DIP2B: variants seen among roughly 807,000 people sequenced by gnomAD.
DIP2B encodes the protein DIP2 acetate--CoA ligase B (putative), also known as disco-interacting protein 2 homolog B.
DIP2B carries 76 observed loss-of-function variants against 198.0 expected under a neutral mutation model. That is an observed-to-expected ratio of 0.38 (90% CI 0.32 to 0.46). The LOEUF is 0.46. Ranked by LOEUF, DIP2B falls within the 20% of genes least tolerant of loss-of-function variation. The pLI, the probability that DIP2B is intolerant of heterozygous loss-of-function variation, is 0.99. For synonymous variants in DIP2B, 701 were observed against 739.1 expected (o/e 0.95, Z 0.84); for missense variants, 1,559 against 1,978.4 (o/e 0.79, Z 4.02).
chr12:50,708,358 G>T, intron 21 of DIP2B, 90 bp from the exon 22 acceptor site: 1 of 1,127,318 alleles, frequency 8.9e-7, no homozygotes, highest in Admixed American at 2.1e-5. Context: ...TAGCATGGTG[G>T]GGTTGTCTCC....
intron 1 of DIP2B, among the ~76,000 whole-genome samples, chr12:50,598,494 C>T (rs146274376): frequency 6.6e-6 from 1 of 151,874 alleles, no homozygotes; most frequent in African/African-American, 2.4e-5. Flanking sequence ...GGCTTTTCCA[C>T]TACTTCTCAC....
rs564654813 is a variant in DIP2B at position 50,573,758 on chromosome 12, C to G, written c.101-52218C>G. ...CTTCCCTTTGCAGAATGTGTATTTT[C>G]CCTTCTTCAGACTAAAAATGTCACA... On this transcript the variant is annotated intron_variant, in intron 1 of 37. Transcript: ENST00000301180. Among the ~76,000 whole-genome samples the G allele has an allele frequency of 2.9e-4, 44 of 152,252 alleles. 1 individual carries two copies. Among genetic ancestry groups the G allele is most frequent in the Middle Eastern group, 6.8e-3 (2 of 294 alleles).
At chr12:50,720,372 C>T (rs1939812792) in intron 25 of DIP2B, among the ~76,000 whole-genome samples, 2 of 151,806 alleles carry the variant, frequency 1.3e-5, no homozygotes, top group African/African-American at 4.8e-5. Flanking sequence ...CCTATTGGAT[C>T]TCTTAGGGGA....
intron 1 of DIP2B, among the ~76,000 whole-genome samples, chr12:50,508,496 A>G (rs556880561): frequency 3.9e-5 from 6 of 152,258 alleles, no homozygotes; most frequent in Admixed American, 2.0e-4. Context: ...ACTTCACTAG[A>G]TAGAATAGGT....
At chr12:50,524,804 C>T (rs1958148750) in intron 1 of DIP2B, among the ~76,000 whole-genome samples, 1 of 152,182 alleles carries the variant, frequency 6.6e-6, no homozygotes, top group African/African-American at 2.4e-5. Context: ...CATGGCTCAA[C>T]TGCAGCTTCC....
At chr12:50,712,641 GCT>G (rs764064440) in intron 22 of DIP2B, among the ~76,000 whole-genome samples, 5 of 151,680 alleles carry the variant, frequency 3.3e-5, no homozygotes, top group Non-Finnish European at 5.9e-5. Context: ...GGGCACGGTG[GCT>G]CACACCTGTA....
At position 50,660,082 on chromosome 12, in the gene DIP2B, C is replaced by T; in HGVS notation, c.302-112C>T. ...TATAAATAAAAATCATCTGAACGTC[C>T]CCTTTACCTTTTTTTTTTTTTTTAA... is the stretch of plus-strand genomic sequence containing the variant. On this transcript the variant is annotated intron_variant, in intron 3 of 37. Coordinates refer to ENST00000301180, the MANE Select transcript of DIP2B (RefSeq NM_173602.3). 8.6e-6 allele frequency: 9 copies of T among 1,043,698 alleles called. No homozygotes were observed. The South Asian group carries it at 1.1e-4, about 13-fold the overall frequency. The allele number at this position is 1,043,698 out of a possible 1,614,324, so 64.7% of individuals were successfully genotyped here. A position where few individuals can be genotyped will look rare whatever the true frequency, so the allele number is the denominator to read the frequency against.
chr12:50,573,392 A>T (rs1045483525), intron 1 of DIP2B, among the ~76,000 whole-genome samples: 1 of 152,336 alleles, frequency 6.6e-6, no homozygotes, highest in East Asian at 1.9e-4. Context: ...CTGCCTTGCC[A>T]TTCCAAATTC....
rs561342358 is a variant in DIP2B, at chr12:50,512,351, CCCGCAT to C, written c.100+7113_100+7118del. On this transcript the variant is annotated intron_variant, in intron 1 of 37. Coordinates refer to ENST00000301180, the MANE Select transcript of DIP2B (RefSeq NM_173602.3). ...CAAACTCCTGACCTCCGGTGATCTG[CCCGCAT>C]CGGCCTCCCAGAGTCCCGGGATTAC... Among the ~76,000 whole-genome samples, 205 of 152,280 alleles carry C rather than the reference CCCGCAT, an allele frequency of 1.3e-3. 4 individuals carry two copies. The highest frequency in any genetic ancestry group is 7.7e-3 in the East Asian group (40 of 5,176).
chr12:50,709,762 C>T (rs1939580738), intron 22 of DIP2B, among the ~76,000 whole-genome samples: 1 of 152,044 alleles, frequency 6.6e-6, no homozygotes, highest in African/African-American at 2.4e-5. Context: ...GATCATGCCA[C>T]TACAGTTCAG....
At chr12:50,639,470 T>TC (rs1446198502) in intron 2 of DIP2B, among the ~76,000 whole-genome samples, 2 of 152,100 alleles carry the variant, frequency 1.3e-5, no homozygotes, top group Non-Finnish European at 2.9e-5. Flanking sequence ...CTTTTTTTTT[T>TC]CTTTTTAAAT....
intron 1 of DIP2B, among the ~76,000 whole-genome samples, chr12:50,586,303 C>T (rs745978920): frequency 2.6e-5 from 4 of 152,092 alleles, no homozygotes; most frequent in Admixed American, 6.5e-5. Flanking sequence ...TTGGAGGAGA[C>T]AAGAGCCTGG....
At position 50,704,170 on chromosome 12, in the gene DIP2B, G is replaced by C; in HGVS notation, c.2356G>C (p.Val786Leu). ...TCCAGTGAATTCTGCAGGCTCTCCT[G>C]TTGGGGATGTGCCATTCATCCGATC... ...VIPVNSAGSP[V>L]GDVPFIRSGL... Residue 786 changes from valine to leucine, a missense_variant, in exon 20 of 38, where the codon GTT becomes CTT. Transcript: ENST00000301180. 1 of 1,611,134 alleles carries C rather than the reference G, an allele frequency of 6.2e-7. No homozygotes were observed. The highest frequency in any genetic ancestry group is 8.5e-7 in the Non-Finnish European group (1 of 1,179,512).
At chr12:50,711,548 TTTTG>T (rs890885230) in intron 22 of DIP2B, among the ~76,000 whole-genome samples, 31 of 152,072 alleles carry the variant, frequency 2.0e-4, no homozygotes, top group African/African-American at 4.3e-4. Flanking sequence ...CCTTTTAAAT[TTTTG>T]TTTGTTTGTT....
At chr12:50,645,870 A>G (rs1049135897) in intron 3 of DIP2B, among the ~76,000 whole-genome samples, 21 of 152,186 alleles carry the variant, frequency 1.4e-4, no homozygotes, top group African/African-American at 4.6e-4. Context: ...ATGTTATAGT[A>G]ATATAAACAT....
At chr12:50,719,890 A>G (rs927214675) in intron 25 of DIP2B, among the ~76,000 whole-genome samples, 1 of 147,584 alleles carries the variant, frequency 6.8e-6, no homozygotes, top group Non-Finnish European at 1.5e-5. Flanking sequence ...ATAATAATAT[A>G]TATTACATTA....
chr12:50,659,740 A>T (rs1938613396), intron 3 of DIP2B, among the ~76,000 whole-genome samples: 1 of 152,188 alleles, frequency 6.6e-6, no homozygotes, highest in African/African-American at 2.4e-5. Context: ...GTCTCAACCA[A>T]GTTTTCTTTC....
At chr12:50,511,187 G>A (rs569065695) in intron 1 of DIP2B, among the ~76,000 whole-genome samples, 2 of 151,364 alleles carry the variant, frequency 1.3e-5, no homozygotes, top group African/African-American at 2.4e-5. Flanking sequence ...CTTGTGATCC[G>A]CCTGCTTTGT....
intron 1 of DIP2B, among the ~76,000 whole-genome samples, chr12:50,534,153 T>A (rs956340793): frequency 2.0e-5 from 3 of 152,170 alleles, no homozygotes; most frequent in Non-Finnish European, 4.4e-5. Flanking sequence ...GAATAAAATA[T>A]GACTTTATCA....
Sources: gnomAD v4.1 joint callset for allele counts (sites outside exome capture counted in the v4.1 genomes callset) on GRCh38, gnomAD v4.1.1 for gene constraint, MANE v1.5 for transcripts, NCBI Gene and HGNC (gene_info 2026-07-23, HGNC 2026-07-21) for gene names.